The following WWC2 variants were observed in gnomAD, a reference collection of about 807,000 sequenced individuals.
The protein encoded by WWC2 is WW and C2 domain containing 2, also known as protein WWC2.
WWC2 carries 101 observed loss-of-function variants against 138.5 expected under a neutral mutation model. The ratio of observed to expected loss-of-function variants is 0.73; its 90% CI spans 0.62 to 0.86. The LOEUF is 0.86. Among genes scored for constraint, WWC2 ranks in the 40% least tolerant of loss-of-function variants. The probability of loss-of-function intolerance (pLI) is 0.00; values close to 1 mark genes in which losing one functional copy is unlikely to be tolerated. For missense variants in WWC2, 1,420 were observed against 1,419.4 expected (o/e 1.00, Z -0.01); for synonymous variants, 558 against 538.4 (o/e 1.04, Z -0.50).
Position 183,319,842 on chromosome 4 carries a change from G to A in WWC2, c.*4113G>A, listed in dbSNP as rs1739577072. On this transcript the variant is annotated 3_prime_UTR_variant, in exon 23 of 23. Transcript: ENST00000403733. The stretch of plus-strand genomic sequence containing the variant: ...CAGGGCTGTGACTCCCGAGGCCCAG[G>A]ACAGAATTCCTCCCAGGATCAGCAG... 6.2e-7 allele frequency: 1 copy of A among 1,613,824 alleles called. No individual in the cohort carries two copies. Among genetic ancestry groups the A allele is most frequent in the Non-Finnish European group, 8.5e-7 (1 of 1,179,888 alleles).
chr4:183,157,897 A>G (rs149824232), intron 1 of WWC2, among the ~76,000 whole-genome samples: 88 of 150,810 alleles, frequency 5.8e-4, no homozygotes, highest in African/African-American at 2.0e-3. Flanking sequence ...CTCCTTTTCT[A>G]ACTACTTTGT....
At chr4:183,213,211 G>C (rs939353673) in intron 4 of WWC2, among the ~76,000 whole-genome samples, 3 of 152,190 alleles carry the variant, frequency 2.0e-5, no homozygotes, top group Non-Finnish European at 4.4e-5. Flanking sequence ...TGCGCTGTTT[G>C]GTATCTGTGT....
At chr4:183,246,316 G>C (rs1203324957) in intron 6 of WWC2, among the ~76,000 whole-genome samples, 1 of 152,038 alleles carries the variant, frequency 6.6e-6, no homozygotes, top group Non-Finnish European at 1.5e-5. Context: ...TTCTTACTTA[G>C]CTGAGGGATA....
intron 9 of WWC2, among the ~76,000 whole-genome samples, chr4:183,259,430 G>A (rs1363270571): frequency 6.6e-6 from 1 of 152,132 alleles, no homozygotes; most frequent in Non-Finnish European, 1.5e-5. Context: ...GTGACATGGT[G>A]ATGGGGCATA....
intron 22 of WWC2, among the ~76,000 whole-genome samples, 178 bp from the exon 23 acceptor site, chr4:183,315,485 C>CT (rs2111130632): frequency 6.6e-6 from 1 of 151,774 alleles, no homozygotes; most frequent in African/African-American, 2.4e-5. Flanking sequence ...CTTGATACCC[C>CT]CCCTTTAAGC....
intron 1 of WWC2, among the ~76,000 whole-genome samples, chr4:183,150,474 G>A (rs1733605876): frequency 6.6e-6 from 1 of 152,006 alleles, no homozygotes; most frequent in African/African-American, 2.4e-5. Context: ...CAAAATCAGA[G>A]TTTTACATTG....
intron 21 of WWC2, among the ~76,000 whole-genome samples, chr4:183,302,835 G>A (rs1033649487): frequency 2.0e-5 from 3 of 152,130 alleles, no homozygotes; most frequent in East Asian, 1.9e-4. Context: ...AGGCCGAGAC[G>A]GGTAGATCAC....
At chr4:183,268,045 C>G (rs1317078824) in intron 14 of WWC2, among the ~76,000 whole-genome samples, 1 of 152,200 alleles carries the variant, frequency 6.6e-6, no homozygotes, top group Admixed American at 6.5e-5. Context: ...CAGTGGGCTT[C>G]AGGCCCACTA....
intron 9 of WWC2, among the ~76,000 whole-genome samples, chr4:183,254,559 AT>A (rs1737080709): frequency 6.6e-6 from 1 of 152,210 alleles, no homozygotes; most frequent in African/African-American, 2.4e-5. Context: ...GTGTGAGTTG[AT>A]TATTCCATCT....
At chr4:183,149,308 T>C (rs921516526) in intron 1 of WWC2, among the ~76,000 whole-genome samples, 11 of 152,132 alleles carry the variant, frequency 7.2e-5, no homozygotes, top group Non-Finnish European at 1.5e-4. Context: ...ACAAATATCA[T>C]AGGTGGTTGT....
chr4:183,119,734 A>G (rs1359603628), intron 1 of WWC2, among the ~76,000 whole-genome samples: 1 of 152,242 alleles, frequency 6.6e-6, no homozygotes, highest in African/African-American at 2.4e-5. Context: ...ATTCTGAGTT[A>G]TGGGTGGGAA....
At chr4:183,195,695 C>A (rs1735121096) in intron 2 of WWC2, among the ~76,000 whole-genome samples, 1 of 151,982 alleles carries the variant, frequency 6.6e-6, no homozygotes, top group Non-Finnish European at 1.5e-5. Flanking sequence ...CTTTCGTCAC[C>A]CTCTCAAAAC....
intron 1 of WWC2, among the ~76,000 whole-genome samples, chr4:183,111,583 G>A (rs761996091): frequency 1.6e-4 from 25 of 152,002 alleles, no homozygotes; most frequent in Admixed American, 7.2e-4. Context: ...TGACTTACTG[G>A]TCTAGGTGTA....
At chr4:183,164,131 A>G (rs1360033240) in intron 1 of WWC2, among the ~76,000 whole-genome samples, 3 of 151,550 alleles carry the variant, frequency 2.0e-5, no homozygotes, top group Non-Finnish European at 4.4e-5. Flanking sequence ...AAGAAGGTCC[A>G]TATAAGAGAT....
intron 1 of WWC2, among the ~76,000 whole-genome samples, chr4:183,150,249 C>G (rs1464984442): frequency 6.6e-6 from 1 of 152,160 alleles, no homozygotes; most frequent in Admixed American, 6.5e-5. Flanking sequence ...CCTTATTTTG[C>G]TATATGAAAC....
chr4:183,318,204 C>G lies in WWC2; in HGVS notation c.*2475C>G, dbSNP rs1418670731. The stretch of plus-strand genomic sequence containing the variant: ...TTATTACAATTTTGTATATCAGAAT[C>G]TTAAGTGTTACAGGTACAAAAAGAA... On this transcript the variant is annotated 3_prime_UTR_variant, in exon 23 of 23. Transcript: ENST00000403733. 6.6e-6 allele frequency: 1 copy of G among 152,534 alleles called. No individual in the cohort carries two copies. The highest frequency in any genetic ancestry group is 6.5e-5 in the Admixed American group (1 of 15,278). The allele number at this position is 152,534 out of a possible 1,614,324, so 9.4% of individuals were successfully genotyped here.
intron 4 of WWC2, among the ~76,000 whole-genome samples, chr4:183,222,896 G>A (rs1735971186): frequency 6.6e-6 from 1 of 152,158 alleles, no homozygotes; most frequent in African/African-American, 2.4e-5. Context: ...AACCTGGGAG[G>A]CAGAGGTTGC....
intron 6 of WWC2, among the ~76,000 whole-genome samples, chr4:183,248,258 C>T (rs1220654463): frequency 6.6e-6 from 1 of 152,168 alleles, no homozygotes; most frequent in Non-Finnish European, 1.5e-5. Context: ...TCTCTTGGGT[C>T]CTGTCCAGAT....
At chr4:183,189,819 G>A (rs1734941675) in intron 1 of WWC2, among the ~76,000 whole-genome samples, 1 of 152,132 alleles carries the variant, frequency 6.6e-6, no homozygotes, top group East Asian at 1.9e-4. Context: ...ATTTAGTGCA[G>A]TTAGTACAAA....
Sources: gnomAD v4.1 joint callset for allele counts (sites outside exome capture counted in the v4.1 genomes callset) on GRCh38, gnomAD v4.1.1 for gene constraint, MANE v1.5 for transcripts, NCBI Gene and HGNC (gene_info 2026-07-23, HGNC 2026-07-21) for gene names.